Variants in FMN1 observed in about 807,000 individuals in gnomAD.
The protein encoded by FMN1 is formin 1.
Under a neutral mutation model 132.4 loss-of-function variants are expected in FMN1, and 110 were observed. The ratio of observed to expected loss-of-function variants is 0.83; its 90% CI spans 0.71 to 0.97. The LOEUF is 0.97. FMN1 is among the 50% of genes least tolerant of loss of function. FMN1 has a pLI of 0.00. For synonymous variants in FMN1, 722 were observed against 651.7 expected (o/e 1.11, Z -1.64); for missense variants, 1,792 against 1,705.3 (o/e 1.05, Z -0.90).
chr15:32,876,451 T>C (rs1482173794), intron 16 of FMN1, among the ~76,000 whole-genome samples: 1 of 152,184 alleles, frequency 6.6e-6, no homozygotes, highest in Non-Finnish European at 1.5e-5. Context: ...GAAATCCATA[T>C]AAAAACTAGC....
At chr15:32,954,662 A>T (rs2061724478) in intron 9 of FMN1, among the ~76,000 whole-genome samples, 1 of 152,274 alleles carries the variant, frequency 6.6e-6, no homozygotes, top group Admixed American at 6.5e-5. Flanking sequence ...AAGTGAATTT[A>T]AAGTCAGAAC....
intron 20 of FMN1, among the ~76,000 whole-genome samples, chr15:32,775,611 A>T (rs1047311184): frequency 1.3e-5 from 2 of 152,174 alleles, no homozygotes; most frequent in East Asian, 3.8e-4. Context: ...GGTACAAAGG[A>T]CATGTCCGGT....
At chr15:33,069,863 T>C (rs2037916057) in intron 5 of FMN1, among the ~76,000 whole-genome samples, 1 of 152,134 alleles carries the variant, frequency 6.6e-6, no homozygotes, top group Non-Finnish European at 1.5e-5. Flanking sequence ...AAAAATTCAA[T>C]GGTGTCTTTT....
In FMN1 at chr15:32,795,980, C is replaced by A. The variant is rs182821600; in HGVS notation, c.4130+2824G>T. On this transcript the variant is annotated intron_variant, in intron 19 of 20. Transcript: ENST00000616417. ...CTTCTGCCGAACCACAGAGTTGTGC[C>A]CTGACACCAGTTTAATAAGATTATT... Among the ~76,000 whole-genome samples, 7 of 152,286 alleles carry A rather than the reference C, an allele frequency of 4.6e-5. No homozygotes were observed. The East Asian group carries it at 1.3e-3, about 29-fold the overall frequency.
At chr15:33,172,080 C>A (rs1238349862) in intron 3 of FMN1, among the ~76,000 whole-genome samples, 2 of 151,892 alleles carry the variant, frequency 1.3e-5, no homozygotes, top group Non-Finnish European at 2.9e-5. Flanking sequence ...TGGTGGCGGG[C>A]GCCTGTGGTC....
intron 7 of FMN1, among the ~76,000 whole-genome samples, chr15:32,987,935 C>G (rs991388921): frequency 6.6e-6 from 1 of 151,896 alleles, no homozygotes; most frequent in African/African-American, 2.4e-5. Flanking sequence ...GCAACAGTCA[C>G]AGTTTCTCAG....
At chr15:32,832,713 G>C (rs148445050) in intron 17 of FMN1, among the ~76,000 whole-genome samples, 275 of 152,202 alleles carry the variant, frequency 1.8e-3, no homozygotes, top group African/African-American at 6.6e-3. Context: ...GGGAGGTGGA[G>C]GTTGCAGTGA....
chr15:33,001,743 A>G (rs1177610386), intron 7 of FMN1, among the ~76,000 whole-genome samples: 1 of 131,528 alleles, frequency 7.6e-6, no homozygotes, highest in East Asian at 2.2e-4. Flanking sequence ...TTTTTGATAC[A>G]AAGTCTCACT....
At chr15:32,922,058 A>T (rs188065842) in intron 10 of FMN1, among the ~76,000 whole-genome samples, 119 of 152,300 alleles carry the variant, frequency 7.8e-4, no homozygotes, top group Admixed American at 2.7e-3. Flanking sequence ...CTTTTACAGG[A>T]AGAGTCAAGA....
intron 9 of FMN1, among the ~76,000 whole-genome samples, chr15:32,930,728 G>C (rs181390853): frequency 6.6e-6 from 1 of 151,446 alleles, no homozygotes; most frequent in Admixed American, 6.6e-5. Context: ...TTTGGGGGGG[G>C]GCGGTCTATG....
intron 19 of FMN1, among the ~76,000 whole-genome samples, chr15:32,786,657 T>C (rs772771673): frequency 3.9e-5 from 6 of 152,230 alleles, no homozygotes; most frequent in Non-Finnish European, 8.8e-5. Flanking sequence ...GAAAGCTCAA[T>C]ATCACATGGT....
chr15:33,062,118 G>T (rs962802255), intron 6 of FMN1, among the ~76,000 whole-genome samples: 11 of 152,090 alleles, frequency 7.2e-5, no homozygotes, highest in Non-Finnish European at 1.5e-4. Context: ...AATTTTTAGG[G>T]ATAGGTATTT....
intron 6 of FMN1, among the ~76,000 whole-genome samples, chr15:33,027,736 A>G (rs1052601521): frequency 2.0e-5 from 3 of 152,236 alleles, no homozygotes; most frequent in Non-Finnish European, 2.9e-5. Context: ...AAACAATAAA[A>G]GAACAAATGA....
chr15:33,027,318 T>G (rs1305624256), intron 6 of FMN1, among the ~76,000 whole-genome samples: 1 of 142,536 alleles, frequency 7.0e-6, no homozygotes. Context: ...AACTTCAGAA[T>G]AATAACAGAT....
In FMN1 at chr15:32,969,149, T is replaced by A; in HGVS notation, c.2552A>T (p.His851Leu). Residue 851 changes from histidine (H) to leucine (L), a missense_variant, in exon 8 of 21, where the codon CAT (histidine) becomes CTT (leucine). His to Leu is a moderately conservative substitution (Grantham distance 99, BLOSUM62 -3). Around this residue, in one of 3 missense-constraint regions of FMN1, gnomAD observed 1,150 missense variants for 1,043.1 expected, o/e 1.10. Coordinates refer to ENST00000616417, the MANE Select transcript of FMN1 (RefSeq NM_001277313.2). Reference sequence around the variant, plus strand: ...GCCCTCCATTGGCTGGAGTGCTGCATGGATGTCTTTGTGGTCATTTGGGGG... The same window carrying A: ...GCCCTCCATTGGCTGGAGTGCTGCAAGGATGTCTTTGTGGTCATTTGGGGG... ...LSPPNDHKDI[H>L]AALQPMEGMA... 6.2e-7 allele frequency: 1 copy of A among 1,613,920 alleles called. No homozygotes were observed. Among genetic ancestry groups the A allele is most frequent in the Non-Finnish European group, 8.5e-7 (1 of 1,179,874 alleles).
At chr15:32,780,736 C>G (rs1025708932) in intron 19 of FMN1, among the ~76,000 whole-genome samples, 2 of 152,142 alleles carry the variant, frequency 1.3e-5, no homozygotes, top group African/African-American at 4.8e-5. Context: ...TGAGGAAACC[C>G]CTGACCCAAA....
In FMN1 at chr15:32,964,045, A is replaced by G. The variant is rs74014362; in HGVS notation, c.3138+62T>C. On this transcript the variant is annotated intron_variant, in intron 9 of 20. Coordinates refer to ENST00000616417, the MANE Select transcript of FMN1 (RefSeq NM_001277313.2). ...CACACACACACACACACACACACAC[A>G]CACATATATACCATTTCCCTGTATA... The G allele has an allele frequency of 1.7e-4, 210 of 1,230,082 alleles. 2 individuals are homozygous for G. In the African/African-American group the frequency reaches 3.0e-3, roughly 18 times the overall value. The allele number at this position is 1,230,082 out of a possible 1,614,324, so 76.2% of individuals were successfully genotyped here.
intron 4 of FMN1, among the ~76,000 whole-genome samples, chr15:33,100,465 G>A (rs1039904390): frequency 2.0e-5 from 3 of 152,022 alleles, no homozygotes; most frequent in African/African-American, 7.3e-5. Context: ...GCCAAATACA[G>A]CCTACTGCCT....
rs374980152 is a variant in FMN1, at chr15:32,964,016, TACACACACAC to T, written c.3138+81_3138+90del. On this transcript the variant is annotated intron_variant, in intron 9 of 20. Coordinates refer to ENST00000616417, the MANE Select transcript of FMN1 (RefSeq NM_001277313.2). ...GGTATGTGTGTGTGTGTATATACGA[TACACACACAC>T]ACACACACACACACACACACACATA... 123 of 508,314 alleles carry T rather than the reference TACACACACAC, an allele frequency of 2.4e-4. No homozygotes were observed. In the South Asian group the frequency reaches 2.7e-3, roughly 11 times the overall value. 31.5% of individuals were successfully genotyped at this position (508,314 alleles called of 1,614,324 possible).
Sources: gnomAD v4.1 joint callset for allele counts (sites outside exome capture counted in the v4.1 genomes callset) on GRCh38, gnomAD v4.1.1 for gene constraint, gnomAD v4.1.1 regional missense constraint, MANE v1.5 for transcripts, NCBI Gene and HGNC (gene_info 2026-07-23, HGNC 2026-07-21) for gene names.